The following C6 variants were observed in gnomAD, a reference collection of about 807,000 sequenced individuals.
The protein encoded by C6 is complement component C6.
A neutral mutation model predicts 112.9 loss-of-function variants in C6; 101 were observed. The observed-to-expected ratio is 0.89, with a 90% confidence interval of 0.76 to 1.06. The LOEUF (loss-of-function observed/expected upper bound fraction) is 1.06. Among genes scored for constraint, C6 ranks in the 50% least tolerant of loss-of-function variants. The pLI is 0.00. For synonymous variants in C6, 431 were observed against 384.1 expected, an observed-to-expected ratio of 1.12 and a Z score of -1.43; for missense variants, 1,202 against 1,104.6, an observed-to-expected ratio of 1.09 and a Z score of -1.25.
At chr5:41,157,303 T>C (rs1747008828) in intron 13 of C6, among the ~76,000 whole-genome samples, 1 of 152,208 alleles carries the variant, frequency 6.6e-6, no homozygotes, top group Non-Finnish European at 1.5e-5. Context: ...AATGAGAATG[T>C]CAATAATTTT....
At chr5:41,173,884 G>A (rs1416369593) in intron 8 of C6, among the ~76,000 whole-genome samples, 4 of 152,092 alleles carry the variant, frequency 2.6e-5, no homozygotes, top group Non-Finnish European at 5.9e-5. Context: ...AAAGATGGTT[G>A]TTTCAGTCTG....
chr5:41,181,538 A>G lies in C6; in HGVS notation c.748T>C (p.Leu250=), dbSNP rs1270582080. 2 of 1,613,384 alleles carry G rather than the reference A, an allele frequency of 1.2e-6. No homozygotes were observed. Among genetic ancestry groups the G allele is most frequent in the Admixed American group, 1.7e-5 (1 of 59,960 alleles). The part of the protein sequence containing the change: ...GFEVQTAEDD[L]KTDFYKDLTS... ...AAATCCTTGTAGAAATCTGTTTTCA[A>G]GTCATCTTCTGCAGTTTGTACCTGG... Residue 250 remains leucine (L), a synonymous_variant, in exon 7 of 18, where the codon TTG becomes CTG. Coordinates refer to ENST00000337836, the MANE Select transcript of C6 (RefSeq NM_000065.5).
intron 1 of C6, among the ~76,000 whole-genome samples, chr5:41,230,732 G>A (rs547196629): frequency 2.0e-5 from 3 of 151,960 alleles, no homozygotes; most frequent in East Asian, 1.9e-4. Flanking sequence ...TAATAAAAAC[G>A]TGCTGGTTTT....
chr5:41,201,747 A>G (rs766796077), intron 2 of C6, 33 bp from the exon 3 acceptor site: 1 of 1,571,410 alleles, frequency 6.4e-7, no homozygotes, highest in Non-Finnish European at 8.8e-7. Flanking sequence ...GCTTAGAATG[A>G]GTGTATTCAC....
intron 7 of C6, among the ~76,000 whole-genome samples, chr5:41,180,015 G>A (rs4557462): frequency 0.89 from 135,202 of 152,172 alleles, 60,122 homozygotes; most frequent in Admixed American, 0.93. Flanking sequence ...TTAAAAATGC[G>A]TATATGAATT....
chr5:41,214,322 G>A (rs1382749188), upstream of C6, among the ~76,000 whole-genome samples: 1 of 152,040 alleles, frequency 6.6e-6, no homozygotes, highest in Non-Finnish European at 1.5e-5. Context: ...ATATTCCTTA[G>A]ACAGCTTAGA....
chr5:41,159,185 T>C lies in C6; in HGVS notation c.1753A>G (p.Arg585Gly). Residue 585 changes from arginine (R) to glycine (G), a missense_variant, in exon 12 of 18, where the codon AGA becomes GGA. Transcript: ENST00000337836. ...GCAGGATTATTGCATTCTCGGGTTC[T>C]CGATCTCTTATAAGTAGCATCACAG... ...STCDATYKRS[R>G]TRECNNPAPQ... is the part of the protein sequence containing the mutation. 2.5e-6 allele frequency: 4 copies of C among 1,613,636 alleles called. No individual in the cohort carries two copies. The highest frequency in any genetic ancestry group is 3.4e-6 in the Non-Finnish European group (4 of 1,179,742).
intron 1 of C6, among the ~76,000 whole-genome samples, chr5:41,225,157 C>T (rs1039322826): frequency 2.0e-4 from 31 of 152,104 alleles, no homozygotes; most frequent in African/African-American, 6.0e-4. Flanking sequence ...GTTGGTGTGC[C>T]GCACCCATTA....
At chr5:41,230,827 T>C (rs1477854812) in intron 1 of C6, among the ~76,000 whole-genome samples, 1 of 152,120 alleles carries the variant, frequency 6.6e-6, no homozygotes, top group Non-Finnish European at 1.5e-5. Flanking sequence ...TTTGTATGCT[T>C]TCTCTTTATT....
intron 1 of C6, among the ~76,000 whole-genome samples, chr5:41,240,167 T>C (rs1740607862): frequency 6.6e-6 from 1 of 152,184 alleles, no homozygotes; most frequent in South Asian, 2.1e-4. Context: ...TAAACAAGTT[T>C]TCTATGCCAT....
intron 5 of C6, among the ~76,000 whole-genome samples, chr5:41,194,182 A>C (rs2150351301): frequency 6.6e-6 from 1 of 152,300 alleles, no homozygotes; most frequent in South Asian, 2.1e-4. Flanking sequence ...TTGTAGGCAA[A>C]CCAAGAGAAG....
chr5:41,209,354 T>C (rs1215169069), intron 1 of C6, among the ~76,000 whole-genome samples: 2 of 151,724 alleles, frequency 1.3e-5, no homozygotes, highest in African/African-American at 4.8e-5. Context: ...CAACATAGTG[T>C]TGGAAGTTCT....
chr5:41,246,801 T>G (rs1406198141), intron 1 of C6, among the ~76,000 whole-genome samples: 1 of 152,186 alleles, frequency 6.6e-6, no homozygotes, highest in Non-Finnish European at 1.5e-5. Flanking sequence ...TGATGAGGAC[T>G]AAAATGATGA....
At chr5:41,237,088 G>T (rs1029002831) in intron 1 of C6, among the ~76,000 whole-genome samples, 3 of 135,552 alleles carry the variant, frequency 2.2e-5, no homozygotes, top group Admixed American at 7.6e-5. Flanking sequence ...ATAATCAATA[G>T]TTTACCAACC....
chr5:41,161,609 A>G, intron 10 of C6, 84 bp downstream of exon 10: 4 of 1,101,324 alleles, frequency 3.6e-6, no homozygotes, highest in Non-Finnish European at 5.6e-6. Context: ...TGAGAAGAAA[A>G]TGGAAAATAA....
At chr5:41,240,892 G>A (rs748133002) in intron 1 of C6, among the ~76,000 whole-genome samples, 1 of 152,160 alleles carries the variant, frequency 6.6e-6, no homozygotes, top group Non-Finnish European at 1.5e-5. Flanking sequence ...GGGCACAGTA[G>A]GGAAGTCCTT....
At chr5:41,181,610 G>T in intron 6 of C6, 51 bp from the exon 7 acceptor site, 9 of 1,388,952 alleles carry the variant, frequency 6.5e-6, no homozygotes, top group Middle Eastern at 1.8e-4. Context: ...ATACTGGAGC[G>T]ACTTGTGGAT....
chr5:41,233,535 A>G (rs1308635492), intron 1 of C6, among the ~76,000 whole-genome samples: 1 of 152,098 alleles, frequency 6.6e-6, no homozygotes, highest in East Asian at 1.9e-4. Context: ...ATTGTGTAAC[A>G]AAACAAAATA....
At chr5:41,207,986 C>T (rs946925408) in intron 1 of C6, among the ~76,000 whole-genome samples, 1 of 152,314 alleles carries the variant, frequency 6.6e-6, no homozygotes, top group East Asian at 1.9e-4. Context: ...AAGTAAAGCA[C>T]TCCTCCGCAA....
Sources: allele counts gnomAD v4.1 joint callset (sites outside exome capture counted in the v4.1 genomes callset), GRCh38; gene constraint gnomAD v4.1.1; transcripts MANE v1.5; gene names NCBI Gene and HGNC (gene_info 2026-07-23, HGNC 2026-07-21).